CACNA2D1: variants seen among roughly 807,000 people sequenced by gnomAD.
CACNA2D1 encodes the protein calcium voltage-gated channel auxiliary subunit alpha2delta 1, also known as voltage-dependent calcium channel subunit alpha-2/delta-1.
A neutral mutation model predicts 171.5 loss-of-function variants in CACNA2D1; 53 were observed. The ratio of observed to expected loss-of-function variants is 0.31; its 90% CI spans 0.25 to 0.39. The LOEUF is 0.39. Ranked by LOEUF, CACNA2D1 falls within the 10% of genes least tolerant of loss-of-function variation. The pLI, the probability that CACNA2D1 is intolerant of heterozygous loss-of-function variation, is 1.00. For missense variants in CACNA2D1, 903 were observed against 1,299.8 expected (o/e 0.69, Z 4.69); for synonymous variants, 442 against 443.1 (o/e 1.00, Z 0.03).
intron 3 of CACNA2D1, among the ~76,000 whole-genome samples, chr7:82,266,759 C>T (rs567845585): frequency 9.2e-5 from 14 of 152,196 alleles, no homozygotes; most frequent in Non-Finnish European, 1.3e-4. Context: ...TCAGGTGATC[C>T]GCCCACCTCT....
At chr7:81,987,915 T>C (rs1207578622) in intron 21 of CACNA2D1, among the ~76,000 whole-genome samples, 1 of 151,922 alleles carries the variant, frequency 6.6e-6, no homozygotes, top group Non-Finnish European at 1.5e-5. Context: ...ATGATGAAAA[T>C]GGAAGGAGAC....
At chr7:82,012,034 A>G in intron 15 of CACNA2D1, 120 bp downstream of exon 15, 1 of 723,988 alleles carries the variant, frequency 1.4e-6, no homozygotes, top group Non-Finnish European at 2.5e-6. Flanking sequence ...AGTCTGTGAT[A>G]GAAGAAATTT....
chr7:82,431,728 C>A (rs10954679), intron 1 of CACNA2D1, among the ~76,000 whole-genome samples: 32,243 of 151,766 alleles, frequency 0.21, 4,395 homozygotes, highest in African/African-American at 0.38. Context: ...CGAGGATTGC[C>A]TTGAAGGTTA....
chr7:82,105,976 T>C (rs1208551044), intron 6 of CACNA2D1, among the ~76,000 whole-genome samples: 1 of 152,180 alleles, frequency 6.6e-6, no homozygotes, highest in Non-Finnish European at 1.5e-5. Context: ...AGTATTTTTT[T>C]AAAATAACAT....
At chr7:82,295,103 A>G (rs955205124) in intron 3 of CACNA2D1, among the ~76,000 whole-genome samples, 22 of 152,188 alleles carry the variant, frequency 1.4e-4, no homozygotes, top group African/African-American at 5.1e-4. Context: ...GAGAACACCT[A>G]TATTTCCAAT....
chr7:82,084,258 T>C (rs1755442859), intron 7 of CACNA2D1, among the ~76,000 whole-genome samples: 1 of 152,192 alleles, frequency 6.6e-6, no homozygotes, highest in South Asian at 2.1e-4. Flanking sequence ...TGAGATGCAC[T>C]CAGAAGTGAT....
chr7:82,370,384 G>A (rs1341730629), intron 1 of CACNA2D1, among the ~76,000 whole-genome samples: 4 of 151,946 alleles, frequency 2.6e-5, no homozygotes, highest in Non-Finnish European at 4.4e-5. Context: ...GCAGTATACA[G>A]AGAACTAGAA....
chr7:82,065,611 T>C (rs1439094919), intron 8 of CACNA2D1, among the ~76,000 whole-genome samples: 1 of 152,196 alleles, frequency 6.6e-6, no homozygotes, highest in Admixed American at 6.6e-5. Context: ...AGCCTCTAAA[T>C]ACAAGTCTTT....
At chr7:82,374,583 TAGA>T (rs770040196) in intron 1 of CACNA2D1, among the ~76,000 whole-genome samples, 22 of 152,128 alleles carry the variant, frequency 1.4e-4, no homozygotes, top group Admixed American at 5.2e-4. Flanking sequence ...CAATCAGTAC[TAGA>T]AGATCAATTA....
chr7:82,429,714 C>T (rs1293956407), intron 1 of CACNA2D1, among the ~76,000 whole-genome samples: 1 of 152,128 alleles, frequency 6.6e-6, no homozygotes, highest in Non-Finnish European at 1.5e-5. Context: ...TTATTCATTA[C>T]CATCGAGCAA....
chr7:82,138,322 T>A (rs1791921438), intron 4 of CACNA2D1, among the ~76,000 whole-genome samples: 1 of 152,030 alleles, frequency 6.6e-6, no homozygotes, highest in Admixed American at 6.6e-5. Context: ...TCATTTAGAA[T>A]CACTAAAGTT....
intron 3 of CACNA2D1, among the ~76,000 whole-genome samples, chr7:82,196,273 A>C (rs1370216464): frequency 6.6e-6 from 1 of 152,098 alleles, no homozygotes; most frequent in Non-Finnish European, 1.5e-5. Context: ...TTTGGGGCCT[A>C]GCCAAAATTT....
At chr7:82,005,542 A>G (rs770736970) in intron 17 of CACNA2D1, 45 bp from the exon 18 acceptor site, 6 of 1,238,202 alleles carry the variant, frequency 4.8e-6, no homozygotes, top group Non-Finnish European at 6.9e-6. Context: ...CCTGAGTCAC[A>G]ATTAGAAATC....
rs571649366 is a variant in CACNA2D1, at chr7:82,113,725, C to T, written c.526+3319G>A. On this transcript the variant is annotated intron_variant, in intron 6 of 38. Coordinates refer to ENST00000356860, the MANE Select transcript of CACNA2D1 (RefSeq NM_000722.4). ...AGAAGCCGAGAACAATCCTCTAAAT[C>T]GGATATGTTCCCACACACCACATGA... Among the ~76,000 whole-genome samples, 7 of 152,256 alleles carry T rather than the reference C, an allele frequency of 4.6e-5. No homozygotes were observed. In the East Asian group the frequency reaches 5.8e-4, roughly 13 times the overall value.
At chr7:82,356,487 A>G (rs1166957022) in intron 1 of CACNA2D1, among the ~76,000 whole-genome samples, 3 of 152,182 alleles carry the variant, frequency 2.0e-5, no homozygotes, top group African/African-American at 7.2e-5. Flanking sequence ...AAGTCCTTTA[A>G]TTGTGCTGTG....
chr7:82,330,880 T>C (rs116645168), intron 3 of CACNA2D1, among the ~76,000 whole-genome samples: 1,753 of 152,232 alleles, frequency 0.012, 41 homozygotes, highest in African/African-American at 0.04. Context: ...TGAATTTGAA[T>C]TTCACAATCA....
chr7:81,964,462 G>T, intron 32 of CACNA2D1, 103 bp from the exon 33 acceptor site: 1 of 876,626 alleles, frequency 1.1e-6, no homozygotes, highest in Non-Finnish European at 1.8e-6. Context: ...CAAAGAAACT[G>T]AACTACAACT....
chr7:82,401,195 C>G (rs1826365723), intron 1 of CACNA2D1, among the ~76,000 whole-genome samples: 1 of 152,134 alleles, frequency 6.6e-6, no homozygotes, highest in South Asian at 2.1e-4. Flanking sequence ...ACGAAGCCAT[C>G]CCATTACTGG....
chr7:82,255,147 G>A (rs1054817942), intron 3 of CACNA2D1, among the ~76,000 whole-genome samples: 7 of 152,056 alleles, frequency 4.6e-5, no homozygotes, highest in African/African-American at 1.7e-4. Context: ...TTGAAAAACT[G>A]TTTTCCCCTC....
Sources: gnomAD v4.1 joint callset for allele counts (sites outside exome capture counted in the v4.1 genomes callset) on GRCh38, gnomAD v4.1.1 for gene constraint, MANE v1.5 for transcripts, NCBI Gene and HGNC (gene_info 2026-07-23, HGNC 2026-07-21) for gene names.